The following GLIS1 variants were observed in gnomAD, a reference collection of about 807,000 sequenced individuals.
The protein encoded by GLIS1 is zinc finger protein GLIS1.
GLIS1 carries 24 observed loss-of-function variants against 63.8 expected under a neutral mutation model. The ratio of observed to expected loss-of-function variants is 0.38; its 90% CI spans 0.27 to 0.53. The LOEUF (loss-of-function observed/expected upper bound fraction) is 0.53. Among genes scored for constraint, GLIS1 ranks in the 20% least tolerant of loss-of-function variants. The probability of loss-of-function intolerance (pLI) is 0.85; values close to 1 mark genes in which losing one functional copy is unlikely to be tolerated. For synonymous variants in GLIS1, 450 were observed against 482.5 expected, an observed-to-expected ratio of 0.93 and a Z score of 0.88; for missense variants, 1,036 against 1,074.1, an observed-to-expected ratio of 0.96 and a Z score of 0.50.
At chr1:53,604,603 C>G (rs930884588) in intron 2 of GLIS1, among the ~76,000 whole-genome samples, 8 of 152,162 alleles carry the variant, frequency 5.3e-5, no homozygotes, top group African/African-American at 1.9e-4. Context: ...CACAAGCAGA[C>G]TTTATTGTCT....
intron 2 of GLIS1, among the ~76,000 whole-genome samples, chr1:53,666,869 C>T (rs747059741): frequency 8.5e-5 from 13 of 152,180 alleles, no homozygotes; most frequent in Non-Finnish European, 1.8e-4. Context: ...CCCCTCCCTC[C>T]TCACAGGTTC....
At chr1:53,634,515 C>T (rs1402383635) in intron 2 of GLIS1, among the ~76,000 whole-genome samples, 1 of 152,020 alleles carries the variant, frequency 6.6e-6, no homozygotes, top group Non-Finnish European at 1.5e-5. Context: ...AGGCTGCTTA[C>T]AAGACAGACA....
At chr1:53,643,047 T>C (rs1645804228) in intron 2 of GLIS1, among the ~76,000 whole-genome samples, 1 of 152,132 alleles carries the variant, frequency 6.6e-6, no homozygotes, top group Non-Finnish European at 1.5e-5. Context: ...GTGGTCTGAG[T>C]CCTCTGAGTC....
intron 4 of GLIS1, among the ~76,000 whole-genome samples, chr1:53,554,437 A>C (rs1644795937): frequency 6.6e-6 from 1 of 152,176 alleles, no homozygotes; most frequent in African/African-American, 2.4e-5. Context: ...GGCCAGGCAC[A>C]GTGCCCGGCT....
chr1:53,726,834 G>GCATTAC (rs1246214607), intron 2 of GLIS1, among the ~76,000 whole-genome samples: 31 of 152,128 alleles, frequency 2.0e-4, no homozygotes, highest in Non-Finnish European at 4.4e-4. Flanking sequence ...CACCAAAAAA[G>GCATTAC]AATTAAAAAG....
intron 4 of GLIS1, among the ~76,000 whole-genome samples, chr1:53,552,447 T>C (rs2100406937): frequency 6.6e-6 from 1 of 152,344 alleles, no homozygotes; most frequent in East Asian, 1.9e-4. Context: ...GGGTTTATTC[T>C]TCCCCTGCTC....
Position 53,522,295 on chromosome 1 carries a change from T to G in GLIS1, c.1594-1529A>C, listed in dbSNP as rs538602473. ...AAAGATACATCATCCCTGATGGCTC[T>G]TAATGGATGCTTATTGTTGGGAAGT... On this transcript the variant is annotated intron_variant, in intron 6 of 10. Transcript: ENST00000628545. 4.6e-5 allele frequency among the ~76,000 whole-genome samples: 7 copies of G among 152,376 alleles called. No individual in the cohort carries two copies. The South Asian group carries it at 1.2e-3, about 27-fold the overall frequency.
chr1:53,521,439 A>G lies in GLIS1; in HGVS notation c.1594-673T>C, dbSNP rs369237731. On this transcript the variant is annotated intron_variant, in intron 6 of 10. Coordinates refer to ENST00000628545, the MANE Select transcript of GLIS1 (RefSeq NM_001367484.1). ...AAGAGCTGGGCTCGGATCCCATCCT[A>G]CCTCTTCTTACTCCCTGTGTAATGC... is the stretch of plus-strand genomic sequence containing the variant. Among the ~76,000 whole-genome samples, 51 of 151,862 alleles carry G rather than the reference A, an allele frequency of 3.4e-4. 1 individual carries two copies. Among genetic ancestry groups the G allele is most frequent in the African/African-American group, 1.1e-3 (45 of 41,376 alleles).
At chr1:53,571,134 C>G (rs1240795673) in intron 4 of GLIS1, among the ~76,000 whole-genome samples, 1 of 152,126 alleles carries the variant, frequency 6.6e-6, no homozygotes, top group Non-Finnish European at 1.5e-5. Context: ...AGAGGAAACA[C>G]AAATGGCCTA....
At chr1:53,732,789 C>T (rs181161432) in intron 2 of GLIS1, among the ~76,000 whole-genome samples, 15 of 112,280 alleles carry the variant, frequency 1.3e-4, no homozygotes, top group Admixed American at 9.1e-4. Context: ...ATAATTGCAA[C>T]GGAAATCTAT....
At chr1:53,607,398 T>C (rs1645382012) in intron 2 of GLIS1, among the ~76,000 whole-genome samples, 2 of 152,176 alleles carry the variant, frequency 1.3e-5, no homozygotes, top group South Asian at 4.1e-4. Flanking sequence ...GCCTCCTGAG[T>C]AGCCAGGACA....
At chr1:53,516,808 A>C (rs1044963010) in intron 7 of GLIS1, among the ~76,000 whole-genome samples, 1 of 151,866 alleles carries the variant, frequency 6.6e-6, no homozygotes, top group Non-Finnish European at 1.5e-5. Flanking sequence ...ATCTCAAAAA[A>C]AAAAACAAAA....
intron 4 of GLIS1, among the ~76,000 whole-genome samples, chr1:53,545,273 T>C (rs1252207164): frequency 1.3e-5 from 2 of 152,168 alleles, no homozygotes; most frequent in African/African-American, 4.8e-5. Context: ...GCAGAGACAC[T>C]GTGGTCCATG....
intron 2 of GLIS1, among the ~76,000 whole-genome samples, chr1:53,710,595 G>A (rs1646636498): frequency 6.6e-6 from 1 of 152,244 alleles, no homozygotes; most frequent in African/African-American, 2.4e-5. Flanking sequence ...CTACTTCACA[G>A]GGAGGATGAG....
At position 53,511,595 on chromosome 1, in the gene GLIS1, T is replaced by C. The variant is rs989064533; in HGVS notation, c.1884-1568A>G. Among the ~76,000 whole-genome samples the C allele has an allele frequency of 1.3e-5, 2 of 152,166 alleles. No homozygotes were observed. Among genetic ancestry groups the C allele is most frequent in the Non-Finnish European group, 2.9e-5 (2 of 67,998 alleles). ...ACACTGTGGGTCCCTGTCACTGTTT[T>C]AAGTTCATGAGACGAATCCTCATCA... On this transcript the variant is annotated intron_variant, in intron 8 of 10. Coordinates refer to ENST00000628545, the MANE Select transcript of GLIS1 (RefSeq NM_001367484.1). The surrounding 1 kb of genome is among the most constrained non-coding windows in gnomAD (Gnocchi z 4.2).
At chr1:53,618,679 G>A (rs1336904952) in intron 2 of GLIS1, among the ~76,000 whole-genome samples, 1 of 152,198 alleles carries the variant, frequency 6.6e-6, no homozygotes, top group Non-Finnish European at 1.5e-5. Context: ...AAGTCGAGGG[G>A]CTGATGAAGG....
At chr1:53,555,810 T>C (rs1644814055) in intron 4 of GLIS1, among the ~76,000 whole-genome samples, 1 of 146,884 alleles carries the variant, frequency 6.8e-6, no homozygotes, top group Non-Finnish European at 1.5e-5. Flanking sequence ...ACTGCAGGTG[T>C]GTGTATGCAG....
intron 4 of GLIS1, among the ~76,000 whole-genome samples, chr1:53,561,100 C>T (rs1391500381): frequency 6.6e-5 from 10 of 152,144 alleles, no homozygotes; most frequent in Admixed American, 6.5e-4. Context: ...TGTTTGATTC[C>T]CACAGGCAGA....
At position 53,636,792 on chromosome 1, in the gene GLIS1, C is replaced by T. The variant is rs116792104; in HGVS notation, c.260-36514G>A. ...GGCCTTCTGGGAGCCCATGCACTCA[C>T]CTGCATTTTCTGACTCACGCCACTC... is the stretch of plus-strand genomic sequence containing the variant. On this transcript the variant is annotated intron_variant, in intron 2 of 10. Transcript: ENST00000628545. Among the ~76,000 whole-genome samples, 1,164 of 152,356 alleles carry T rather than the reference C, an allele frequency of 7.6e-3. 14 individuals are homozygous for T. Among genetic ancestry groups the T allele is most frequent in the Middle Eastern group, 0.037 (11 of 294 alleles).
Sources: allele counts gnomAD v4.1 joint callset (sites outside exome capture counted in the v4.1 genomes callset), GRCh38; gene constraint gnomAD v4.1.1; non-coding constraint Gnocchi (gnomAD v3.1); transcripts MANE v1.5; gene names NCBI Gene and HGNC (gene_info 2026-07-23, HGNC 2026-07-21).